JPH3: variants seen among roughly 807,000 people sequenced by gnomAD.
The protein encoded by JPH3 is junctophilin 3.
Under a neutral mutation model 59.6 loss-of-function variants are expected in JPH3, and 11 were observed. That is an observed-to-expected ratio of 0.18 (90% CI 0.12 to 0.31). The LOEUF is 0.31. JPH3 is among the 10% of genes least tolerant of loss of function. JPH3 has a pLI of 1.00. For missense variants in JPH3, 1,202 were observed against 1,105.7 expected (o/e 1.09, Z -1.24); for synonymous variants, 673 against 483.6 (o/e 1.39, Z -5.14).
At chr16:87,657,263 G>A (rs538767020) in intron 2 of JPH3, among the ~76,000 whole-genome samples, 3 of 152,308 alleles carry the variant, frequency 2.0e-5, no homozygotes, top group Admixed American at 6.5e-5. Context: ...CACCTGCCAC[G>A]GCATGAATGA....
chr16:87,644,975 T>C lies in JPH3; in HGVS notation c.1100T>C (p.Val367Ala). Residue 367 changes from valine to alanine, a missense_variant, in exon 2 of 5, where the codon GTT becomes GCT. By Grantham distance (64) the Val-to-Ala change is moderately conservative (BLOSUM62 0). Coordinates refer to ENST00000284262, the MANE Select transcript of JPH3 (RefSeq NM_020655.4). ...SKIREKVDRA[V>A]EAAERAATIA... ...ATCCGCGAGAAGGTGGACCGCGCCG[T>C]TGAGGCCGCTGAGCGGGCCGCCACC... 2 of 1,610,002 alleles carry C rather than the reference T, an allele frequency of 1.2e-6. No individual in the cohort carries two copies. The highest frequency in any genetic ancestry group is 2.2e-5 in the East Asian group (1 of 44,812).
chr16:87,655,733 G>A (rs970550127), intron 2 of JPH3, among the ~76,000 whole-genome samples: 2 of 152,244 alleles, frequency 1.3e-5, no homozygotes. Context: ...CACGTAATGA[G>A]TGCAGTGCAG....
chr16:87,622,150 C>T (rs2031208409), intron 1 of JPH3, among the ~76,000 whole-genome samples: 1 of 152,160 alleles, frequency 6.6e-6, no homozygotes, highest in Admixed American at 6.5e-5. Context: ...CAGCCGCATG[C>T]CACCCCACAA....
chr16:87,680,017 C>G (rs2033245975), intron 2 of JPH3, among the ~76,000 whole-genome samples: 1 of 152,228 alleles, frequency 6.6e-6, no homozygotes, highest in Non-Finnish European at 1.5e-5. Context: ...GGGTCTTCCT[C>G]TGGGCACCCG....
At chr16:87,641,625 G>C (rs543104025) in intron 1 of JPH3, among the ~76,000 whole-genome samples, 5 of 152,352 alleles carry the variant, frequency 3.3e-5, no homozygotes. Flanking sequence ...CTCAGGCTCT[G>C]CTCCTGGAGA....
intron 4 of JPH3, chr16:87,694,374 A>C (rs1363007641): frequency 1.3e-5 from 2 of 152,164 alleles, no homozygotes; most frequent in Non-Finnish European, 1.5e-5. Flanking sequence ...CAGCCTGGGG[A>C]AAGAATGAAA....
intron 1 of JPH3, among the ~76,000 whole-genome samples, chr16:87,643,143 G>A (rs2032010877): frequency 6.6e-6 from 1 of 152,208 alleles, no homozygotes; most frequent in Non-Finnish European, 1.5e-5. Flanking sequence ...CATCCGATAT[G>A]TGGCCTTTTG....
intron 2 of JPH3, among the ~76,000 whole-genome samples, chr16:87,660,151 T>C (rs2032654646): frequency 6.6e-6 from 1 of 152,124 alleles, no homozygotes; most frequent in African/African-American, 2.4e-5. Flanking sequence ...CCTCCGAGCC[T>C]GGGGAGAGAC....
intron 2 of JPH3, among the ~76,000 whole-genome samples, chr16:87,679,661 G>A (rs1405531046): frequency 2.0e-5 from 3 of 152,236 alleles, no homozygotes; most frequent in Admixed American, 6.5e-5. Flanking sequence ...GGGTCGTGCC[G>A]GCTCTCCGTG....
chr16:87,610,263 A>G (rs371734629), intron 1 of JPH3, among the ~76,000 whole-genome samples: 6 of 152,338 alleles, frequency 3.9e-5, no homozygotes, highest in African/African-American at 1.4e-4. Flanking sequence ...TGGGTTCCTA[A>G]CAGGCAACGA....
At chr16:87,643,757 A>C (rs1291680998) in intron 1 of JPH3, among the ~76,000 whole-genome samples, 1 of 152,168 alleles carries the variant, frequency 6.6e-6, no homozygotes, top group African/African-American at 2.4e-5. Flanking sequence ...AGCAGGATGG[A>C]GGTGTCTTCA....
At chr16:87,649,787 A>ATG (rs66759167) in intron 2 of JPH3, among the ~76,000 whole-genome samples, 1,181 of 77,172 alleles carry the variant, frequency 0.015, 18 homozygotes, top group African/African-American at 0.047. Context: ...AGGGTGAAGG[A>ATG]GACATCTCAA....
intron 2 of JPH3, among the ~76,000 whole-genome samples, chr16:87,645,995 G>T (rs1004814664): frequency 3.3e-5 from 5 of 152,238 alleles, no homozygotes; most frequent in Non-Finnish European, 5.9e-5. Context: ...TCCTGGGCCA[G>T]ACGAGGGCCC....
At chr16:87,643,525 C>G (rs1409285814) in intron 1 of JPH3, among the ~76,000 whole-genome samples, 3 of 152,246 alleles carry the variant, frequency 2.0e-5, no homozygotes, top group East Asian at 3.8e-4. Flanking sequence ...GGGGAGCTCA[C>G]TGTCTCCCAG....
At chr16:87,632,728 A>T (rs543324490) in intron 1 of JPH3, among the ~76,000 whole-genome samples, 9 of 152,166 alleles carry the variant, frequency 5.9e-5, no homozygotes, top group Non-Finnish European at 1.3e-4. Context: ...CTTTGTCTCT[A>T]TTAAAAACAC....
intron 2 of JPH3, among the ~76,000 whole-genome samples, chr16:87,650,442 C>G (rs1258537808): frequency 6.6e-6 from 1 of 152,190 alleles, no homozygotes; most frequent in African/African-American, 2.4e-5. Context: ...CAGTTAATAA[C>G]ACTCCAATGG....
At position 87,602,541 on chromosome 16, in the gene JPH3, C is replaced by T. The variant is rs1454318765; in HGVS notation, c.-606C>T. Reference sequence around the variant, plus strand: ...GAGCCGGGCCCGGAGCGCACGCCGCCGCCGCCACCGCCGCCGCCGCCGCCC... The same window carrying T: ...GAGCCGGGCCCGGAGCGCACGCCGCTGCCGCCACCGCCGCCGCCGCCGCCC... On this transcript the variant is annotated 5_prime_UTR_variant, in exon 1 of 5. Transcript: ENST00000284262. Among the ~76,000 whole-genome samples, 5 of 139,028 alleles carry T rather than the reference C, an allele frequency of 3.6e-5. No individual in the cohort carries two copies. The highest frequency in any genetic ancestry group is 7.9e-5 in the Non-Finnish European group (5 of 63,352). The allele number at this position is 139,028 out of a possible 152,430, so 91.2% of individuals were successfully genotyped here.
intron 2 of JPH3, among the ~76,000 whole-genome samples, chr16:87,652,765 G>A (rs1453142682): frequency 6.6e-6 from 1 of 152,272 alleles, no homozygotes; most frequent in South Asian, 2.1e-4. Flanking sequence ...GGACTGTGGT[G>A]GCAGCCGGTG....
chr16:87,661,415 C>A (rs57093216), intron 2 of JPH3, among the ~76,000 whole-genome samples: 1 of 151,792 alleles, frequency 6.6e-6, no homozygotes, highest in East Asian at 1.9e-4. Flanking sequence ...CCACGCTCTC[C>A]TCTGGGCCTG....
Sources: allele counts gnomAD v4.1 joint callset (sites outside exome capture counted in the v4.1 genomes callset), GRCh38; gene constraint gnomAD v4.1.1; transcripts MANE v1.5; gene names NCBI Gene and HGNC (gene_info 2026-07-23, HGNC 2026-07-21).